FLI1: variants seen among roughly 807,000 people sequenced by gnomAD.
FLI1 encodes the protein Friend leukemia integration 1 transcription factor.
FLI1 carries 13 observed loss-of-function variants against 53.1 expected under a neutral mutation model. That is an observed-to-expected ratio of 0.24 (90% CI 0.16 to 0.39). The LOEUF is 0.39. Ranked by LOEUF, FLI1 falls within the 10% of genes least tolerant of loss-of-function variation. The pLI, the probability that FLI1 is intolerant of heterozygous loss-of-function variation, is 1.00. For synonymous variants in FLI1, 244 were observed against 236.7 expected (o/e 1.03, Z -0.28); for missense variants, 424 against 600.5 (o/e 0.71, Z 3.07).
chr11:128,729,921 T>G (rs945185484), intron 1 of FLI1, among the ~76,000 whole-genome samples: 2 of 152,246 alleles, frequency 1.3e-5, no homozygotes, highest in African/African-American at 4.8e-5. Context: ...ACTGCACCTT[T>G]TAGGCACCAT....
intron 1 of FLI1, among the ~76,000 whole-genome samples, chr11:128,716,066 G>A (rs1363545445): frequency 6.6e-6 from 1 of 152,208 alleles, no homozygotes; most frequent in Non-Finnish European, 1.5e-5. Context: ...AAGGGGTCAT[G>A]GCAGTTTATG....
At chr11:128,751,299 C>G (rs1940632172) in intron 1 of FLI1, among the ~76,000 whole-genome samples, 1 of 152,100 alleles carries the variant, frequency 6.6e-6, no homozygotes, top group Non-Finnish European at 1.5e-5. Flanking sequence ...TGACCCATCT[C>G]CAACCCAATG....
intron 5 of FLI1, among the ~76,000 whole-genome samples, chr11:128,791,395 G>A (rs567465512): frequency 1.7e-4 from 26 of 152,204 alleles, no homozygotes; most frequent in Admixed American, 2.0e-4. Flanking sequence ...CTTTAGGGCC[G>A]TGGTCAGATC....
At chr11:128,777,636 C>A (rs1192111956) in intron 4 of FLI1, among the ~76,000 whole-genome samples, 1 of 152,152 alleles carries the variant, frequency 6.6e-6, no homozygotes, top group East Asian at 1.9e-4. Flanking sequence ...TCCCTGGACC[C>A]AGTAGTCAGC....
chr11:128,720,426 C>T (rs555471423), intron 1 of FLI1, among the ~76,000 whole-genome samples: 5 of 152,246 alleles, frequency 3.3e-5, no homozygotes, highest in Admixed American at 3.3e-4. Flanking sequence ...AAAAGGAGCC[C>T]ACGTGAAATG....
rs554797783 is a variant in FLI1 at position 128,763,519 on chromosome 11, A to T, written c.231-4599A>T. On this transcript the variant is annotated intron_variant, in intron 2 of 8. Transcript: ENST00000527786. ...ATCAGGTTATAGAGGGAAATGCAAG[A>T]CTTGCCTTGTGAGCCTGGTATTCAG... is the stretch of plus-strand genomic sequence containing the variant. Among the ~76,000 whole-genome samples, 9 of 152,362 alleles carry T rather than the reference A, an allele frequency of 5.9e-5. No homozygotes were observed. In the East Asian group the frequency reaches 1.7e-3, roughly 29 times the overall value.
At chr11:128,774,567 C>T (rs561632036) in intron 4 of FLI1, among the ~76,000 whole-genome samples, 91 of 152,304 alleles carry the variant, frequency 6.0e-4, no homozygotes, top group Non-Finnish European at 1.0e-3. Context: ...AGCAAAGCAA[C>T]CTGATTCCAG....
intron 1 of FLI1, among the ~76,000 whole-genome samples, chr11:128,719,062 T>A (rs576470864): frequency 6.6e-6 from 1 of 152,268 alleles, no homozygotes; most frequent in Admixed American, 6.5e-5. Flanking sequence ...TTTGTCATGG[T>A]TATTCTGGAG....
intron 1 of FLI1, among the ~76,000 whole-genome samples, chr11:128,738,657 T>C (rs1940005174): frequency 6.6e-6 from 1 of 152,230 alleles, no homozygotes; most frequent in Admixed American, 6.5e-5. Flanking sequence ...TCTTTACCTG[T>C]GAACCGTCTG....
At chr11:128,718,159 CACTT>C (rs1374458073) in intron 1 of FLI1, among the ~76,000 whole-genome samples, 8 of 152,222 alleles carry the variant, frequency 5.3e-5, no homozygotes, top group Admixed American at 6.5e-5. Context: ...CAGCAACTAA[CACTT>C]ACTTTATGTT....
At chr11:128,767,400 A>G (rs1165763530) in intron 2 of FLI1, among the ~76,000 whole-genome samples, 1 of 152,090 alleles carries the variant, frequency 6.6e-6, no homozygotes, top group Non-Finnish European at 1.5e-5. Context: ...AACACAGAAG[A>G]CCTGAGTCCT....
At chr11:128,786,418 G>A (rs1186084690) in intron 5 of FLI1, among the ~76,000 whole-genome samples, 1 of 152,194 alleles carries the variant, frequency 6.6e-6, no homozygotes, top group African/African-American at 2.4e-5. Flanking sequence ...TACTGATTTA[G>A]ACAACTGTAC....
intron 5 of FLI1, among the ~76,000 whole-genome samples, chr11:128,801,761 A>T (rs1253236985): frequency 6.6e-6 from 1 of 152,214 alleles, no homozygotes; most frequent in Non-Finnish European, 1.5e-5. Context: ...GGCCAAGTTT[A>T]TTCATTCAAC....
At chr11:128,738,951 AATC>A (rs1191354046) in intron 1 of FLI1, among the ~76,000 whole-genome samples, 3 of 152,274 alleles carry the variant, frequency 2.0e-5, no homozygotes, top group Non-Finnish European at 4.4e-5. Flanking sequence ...AAAGAAGAAA[AATC>A]AGCAGCAAAT....
intron 4 of FLI1, among the ~76,000 whole-genome samples, chr11:128,776,590 G>A (rs923953306): frequency 1.3e-5 from 2 of 152,186 alleles, no homozygotes; most frequent in African/African-American, 4.8e-5. Context: ...GGGGGAGGCT[G>A]CAGTGAGCTG....
intron 2 of FLI1, among the ~76,000 whole-genome samples, chr11:128,765,428 G>A (rs1339177847): frequency 6.6e-6 from 1 of 152,132 alleles, no homozygotes; most frequent in Non-Finnish European, 1.5e-5. Flanking sequence ...AAATCCCCAG[G>A]GGCCCGGCTG....
At chr11:128,783,025 G>A (rs2284786) in intron 5 of FLI1, among the ~76,000 whole-genome samples, 59,739 of 152,088 alleles carry the variant, frequency 0.39, 12,860 homozygotes, top group Middle Eastern at 0.68. Flanking sequence ...ATTCCACAGA[G>A]GAGGGGACTT....
upstream of FLI1, chr11:128,686,174 T>C (rs1004835031): frequency 8.9e-5 from 32 of 361,152 alleles, no homozygotes; most frequent in African/African-American, 6.6e-4. Flanking sequence ...GGGGCGAGTG[T>C]TGGCAGCTCT....
intron 1 of FLI1, among the ~76,000 whole-genome samples, chr11:128,734,249 C>T (rs1489215891): frequency 6.6e-6 from 1 of 152,154 alleles, no homozygotes; most frequent in African/African-American, 2.4e-5. Context: ...CCAATTCAGC[C>T]AAAACGTTTG....
Sources: gnomAD v4.1 joint callset for allele counts (sites outside exome capture counted in the v4.1 genomes callset) on GRCh38, gnomAD v4.1.1 for gene constraint, MANE v1.5 for transcripts, NCBI Gene and HGNC (gene_info 2026-07-23, HGNC 2026-07-21) for gene names.